Variants in ARHGAP31 observed in about 807,000 individuals in gnomAD.
ARHGAP31 encodes the protein Rho GTPase activating protein 31.
ARHGAP31 carries 34 observed loss-of-function variants against 113.9 expected under a neutral mutation model. The ratio of observed to expected loss-of-function variants is 0.30; its 90% CI spans 0.23 to 0.40. ARHGAP31 has a LOEUF of 0.40. Ranked by LOEUF, ARHGAP31 falls within the 10% of genes least tolerant of loss-of-function variation. The pLI is 1.00. For missense variants in ARHGAP31, 1,548 were observed against 1,767.1 expected (o/e 0.88, Z 2.22); for synonymous variants, 650 against 684.8 (o/e 0.95, Z 0.79).
chr3:119,379,212 G>A (rs1480969045), intron 3 of ARHGAP31, among the ~76,000 whole-genome samples: 1 of 152,208 alleles, frequency 6.6e-6, no homozygotes, highest in Non-Finnish European at 1.5e-5. Flanking sequence ...CAGAGCTTAT[G>A]TTCTAGCAAG....
intron 1 of ARHGAP31, among the ~76,000 whole-genome samples, chr3:119,338,166 A>G (rs1479456331): frequency 6.6e-6 from 1 of 152,156 alleles, no homozygotes; most frequent in Non-Finnish European, 1.5e-5. Context: ...TTGTCCTTTA[A>G]TAAATATTGT....
rs78962354 is a variant in ARHGAP31, at chr3:119,399,087, G to A, written c.1007-112G>A. ...GTTTCCAAGGGGATCAATTATACTTGAAAAACTTTCCTAAAGAATTTTGTC... is the reference window on the plus strand; with the variant it reads ...GTTTCCAAGGGGATCAATTATACTTAAAAAACTTTCCTAAAGAATTTTGTC... On this transcript the variant is annotated intron_variant, in intron 8 of 11. Coordinates refer to ENST00000264245, the MANE Select transcript of ARHGAP31 (RefSeq NM_020754.4). The A allele has an allele frequency of 0.049, 45,548 of 921,692 alleles. 1,370 individuals are homozygous for A. The highest frequency in any genetic ancestry group is 0.081 in the Middle Eastern group (317 of 3,918). 57.1% of individuals were successfully genotyped at this position (921,692 alleles called of 1,614,324 possible). A position where few individuals can be genotyped will look rare whatever the true frequency, so the allele number is the denominator to read the frequency against.
intron 1 of ARHGAP31, among the ~76,000 whole-genome samples, chr3:119,340,077 TA>T (rs2079994690): frequency 6.6e-6 from 1 of 152,092 alleles, no homozygotes; most frequent in African/African-American, 2.4e-5. Flanking sequence ...ACCTCAGCAG[TA>T]AAAAACAAAT....
intron 6 of ARHGAP31, among the ~76,000 whole-genome samples, chr3:119,384,608 T>C (rs1382759979): frequency 6.6e-6 from 1 of 152,144 alleles, no homozygotes; most frequent in African/African-American, 2.4e-5. Flanking sequence ...CTTGGTTTTA[T>C]AACAAACCCA....
At chr3:119,409,902 T>A in intron 11 of ARHGAP31, 126 bp downstream of exon 11, 2 of 995,690 alleles carry the variant, frequency 2.0e-6, no homozygotes, top group Non-Finnish European at 2.9e-6. Context: ...AAAGGGACTT[T>A]AAGAGACAAA....
intron 1 of ARHGAP31, among the ~76,000 whole-genome samples, chr3:119,330,492 T>C (rs1310741700): frequency 6.6e-6 from 1 of 152,220 alleles, no homozygotes. Flanking sequence ...CTTTGTTTGT[T>C]TTTAGGGTTG....
At chr3:119,333,896 G>A (rs143319208) in intron 1 of ARHGAP31, among the ~76,000 whole-genome samples, 1 of 152,318 alleles carries the variant, frequency 6.6e-6, no homozygotes, top group Non-Finnish European at 1.5e-5. Flanking sequence ...TGCCAATCCT[G>A]CTCATTAAAT....
At chr3:119,340,914 T>C (rs2080002262) in intron 1 of ARHGAP31, among the ~76,000 whole-genome samples, 1 of 152,270 alleles carries the variant, frequency 6.6e-6, no homozygotes, top group Non-Finnish European at 1.5e-5. Flanking sequence ...ACAAGATCAC[T>C]TTAACTATAC....
chr3:119,405,672 T>G (rs984557600), intron 10 of ARHGAP31, among the ~76,000 whole-genome samples: 6 of 152,118 alleles, frequency 3.9e-5, no homozygotes, highest in Non-Finnish European at 7.4e-5. Context: ...AAGAAGAGGA[T>G]AGATATTGGG....
chr3:119,378,870 CAT>C (rs1340060909), intron 3 of ARHGAP31, among the ~76,000 whole-genome samples: 2 of 152,226 alleles, frequency 1.3e-5, no homozygotes, highest in Non-Finnish European at 2.9e-5. Flanking sequence ...CTGCATATCT[CAT>C]AAAGTGAGGA....
intron 6 of ARHGAP31, among the ~76,000 whole-genome samples, chr3:119,388,056 A>T (rs1329827120): frequency 1.3e-5 from 2 of 152,070 alleles, no homozygotes; most frequent in Non-Finnish European, 1.5e-5. Flanking sequence ...CTGAGGCAGA[A>T]AGCTTGAAGT....
At position 119,410,214 on chromosome 3, in the gene ARHGAP31, T is replaced by C. The variant is rs867612993; in HGVS notation, c.1926+438T>C. 7.2e-5 allele frequency among the ~76,000 whole-genome samples: 11 copies of C among 152,346 alleles called. No homozygotes were observed. In the South Asian group the frequency reaches 1.7e-3, roughly 23 times the overall value. On this transcript the variant is annotated intron_variant, in intron 11 of 11. Transcript: ENST00000264245. ...ACACTTATTTCCAAAACAATAAATA[T>C]TTCCAGGATCCATTCTTTCCTTCCG...
intron 1 of ARHGAP31, among the ~76,000 whole-genome samples, chr3:119,323,503 C>CT (rs373335506): frequency 0.011 from 1,638 of 149,500 alleles, 27 homozygotes; most frequent in African/African-American, 0.036. Context: ...TTTTCTTCTT[C>CT]TTTTTTTTTT....
intron 1 of ARHGAP31, among the ~76,000 whole-genome samples, chr3:119,329,449 T>C (rs951298055): frequency 3.9e-5 from 6 of 152,198 alleles, no homozygotes; most frequent in African/African-American, 1.4e-4. Flanking sequence ...CAGGAGGTAT[T>C]GAAAATACCT....
intron 3 of ARHGAP31, among the ~76,000 whole-genome samples, chr3:119,375,768 C>CT (rs1259027852): frequency 1.3e-5 from 2 of 151,868 alleles, no homozygotes; most frequent in Non-Finnish European, 2.9e-5. Flanking sequence ...ATGTATTTGC[C>CT]TTTTTTCTTT....
In ARHGAP31 at chr3:119,300,852, AAG is replaced by A. The variant is rs1350599688; in HGVS notation, c.100+5850_100+5851del. Among the ~76,000 whole-genome samples the A allele has an allele frequency of 1.2e-3, 170 of 138,906 alleles. 2 individuals are homozygous for A. Among genetic ancestry groups the A allele is most frequent in the African/African-American group, 4.4e-3 (168 of 38,494 alleles). The allele number at this position is 138,906 out of a possible 152,430, so 91.1% of individuals were successfully genotyped here. ...TCTCAAAAAAAAAAAAAAAGAAAGA[AAG>A]AAAGAAAGAAAGAAAGAAAGACACA... On this transcript the variant is annotated intron_variant, in intron 1 of 11. Coordinates refer to ENST00000264245, the MANE Select transcript of ARHGAP31 (RefSeq NM_020754.4).
intron 6 of ARHGAP31, among the ~76,000 whole-genome samples, chr3:119,388,298 T>C (rs2080471340): frequency 1.4e-5 from 1 of 73,216 alleles, no homozygotes; most frequent in African/African-American, 5.5e-5. Context: ...AATATGTATA[T>C]GTATAATTTT....
intron 1 of ARHGAP31, among the ~76,000 whole-genome samples, chr3:119,337,397 C>A (rs967567898): frequency 6.6e-6 from 1 of 152,154 alleles, no homozygotes; most frequent in Non-Finnish European, 1.5e-5. Flanking sequence ...AAGCTGCAGA[C>A]CTTTGTGGTG....
chr3:119,296,826 A>G (rs77875740), intron 1 of ARHGAP31, among the ~76,000 whole-genome samples: 4,392 of 152,254 alleles, frequency 0.029, 161 homozygotes, highest in African/African-American at 0.087. Flanking sequence ...GGGAGGGGGA[A>G]AAGAAGCCCA....
Sources: allele counts gnomAD v4.1 joint callset (sites outside exome capture counted in the v4.1 genomes callset), GRCh38; gene constraint gnomAD v4.1.1; transcripts MANE v1.5; gene names NCBI Gene and HGNC (gene_info 2026-07-23, HGNC 2026-07-21).